Variants in NLRP11 observed in about 807,000 individuals in gnomAD.
NLRP11 encodes NACHT, LRR and PYD domains-containing protein 11.
In NLRP11, 53 loss-of-function variants were observed where a neutral mutation model predicts 79.3. The observed-to-expected ratio is 0.67, with a 90% CI of 0.54 to 0.84. The LOEUF is 0.84. NLRP11 is among the 40% of genes least tolerant of loss of function. NLRP11 has a pLI of 0.00. For missense variants in NLRP11, 1,264 were observed against 1,255.0 expected, an observed-to-expected ratio of 1.01 and a Z score of -0.11; for synonymous variants, 518 against 462.6, an observed-to-expected ratio of 1.12 and a Z score of -1.54.
At chr19:55,795,204 T>C (rs1020887630) in intron 6 of NLRP11, among the ~76,000 whole-genome samples, 1 of 152,066 alleles carries the variant, frequency 6.6e-6, no homozygotes, top group African/African-American at 2.4e-5. Context: ...CTAGCCACTT[T>C]CCCAGAGCAG....
At chr19:55,792,337 G>A in exon 7 of NLRP11, 3 of 1,614,102 alleles carry the variant, frequency 1.9e-6, no homozygotes, top group Non-Finnish European at 2.5e-6. Flanking sequence ...AAACAGCAAG[G>A]GAAACGTCAC....
rs549322545 is a variant in NLRP11, at chr19:55,799,445, A to G, written c.2171+2127T>C. Among the ~76,000 whole-genome samples the G allele has an allele frequency of 4.6e-5, 7 of 152,332 alleles. No homozygotes were observed. In the South Asian group the frequency reaches 1.0e-3, roughly 23 times the overall value. On this transcript the variant is annotated intron_variant, in intron 5 of 9. Transcript: ENST00000589093. Reference sequence around the variant, plus strand: ...AGAACCACTTGGAAATATCCCAAAGATAAGAGTCCAGGAAGATGAAAAACA... The same window carrying G: ...AGAACCACTTGGAAATATCCCAAAGGTAAGAGTCCAGGAAGATGAAAAACA...
At chr19:55,804,057 G>A (rs918784261) in intron 4 of NLRP11, among the ~76,000 whole-genome samples, 2 of 152,176 alleles carry the variant, frequency 1.3e-5, no homozygotes, top group African/African-American at 4.8e-5. Flanking sequence ...ACCCTAGCCT[G>A]GGTGACAGAG....
At position 55,807,846 on chromosome 19, in the gene NLRP11, T is replaced by C. The variant is rs984342868; in HGVS notation, c.2003+7A>G. On this transcript the variant is annotated splice_region_variant and intron_variant, in intron 4 of 9. Transcript: ENST00000589093. The stretch of plus-strand genomic sequence containing the variant: ...ACCTCTAAGGCAGAGGTTGATATAG[T>C]ACTTACTTGAGTGTGCGAAGTTTAC... The C allele has an allele frequency of 1.3e-6, 2 of 1,597,942 alleles. No individual in the cohort carries two copies. The highest frequency in any genetic ancestry group is 1.7e-6 in the Non-Finnish European group (2 of 1,168,164).
chr19:55,818,279 T>C (rs1184364965), intron 1 of NLRP11, 43 bp from the exon 2 acceptor site: 6 of 850,288 alleles, frequency 7.1e-6, no homozygotes, highest in African/African-American at 5.1e-5. Context: ...CACACAGTAA[T>C]GCCAATTCAT....
upstream of NLRP11, among the ~76,000 whole-genome samples, chr19:55,832,250 C>A (rs1221465001): frequency 6.6e-6 from 1 of 152,198 alleles, no homozygotes. Flanking sequence ...TGACCAAGAA[C>A]CTCCAAAACA....
At chr19:55,818,300 C>T in intron 1 of NLRP11, 64 bp from the exon 2 acceptor site, 1 of 716,938 alleles carries the variant, frequency 1.4e-6, no homozygotes, top group Non-Finnish European at 2.3e-6. Flanking sequence ...CCAAAGCTAA[C>T]ATCCTAGACA....
chr19:55,801,877 A>G, intron 4 of NLRP11, 138 bp from the exon 5 acceptor site: 1 of 706,356 alleles, frequency 1.4e-6, no homozygotes. Flanking sequence ...TCGATCTTAA[A>G]TTTCTAGTCA....
intron 1 of NLRP11, among the ~76,000 whole-genome samples, chr19:55,818,754 T>C (rs1981385418): frequency 6.6e-6 from 1 of 152,142 alleles, no homozygotes; most frequent in South Asian, 2.1e-4. Context: ...GCAAACAGGC[T>C]GTTTGTGGTC....
chr19:55,812,146 A>AT (rs1335797192), intron 2 of NLRP11, among the ~76,000 whole-genome samples: 5 of 152,236 alleles, frequency 3.3e-5, no homozygotes, highest in African/African-American at 1.2e-4. Flanking sequence ...ATAGAAGCAT[A>AT]TGTACGGATA....
At chr19:55,797,174 C>A (rs554227691) in intron 5 of NLRP11, among the ~76,000 whole-genome samples, 7 of 152,196 alleles carry the variant, frequency 4.6e-5, no homozygotes, top group African/African-American at 1.7e-4. Context: ...TGGTGCACGA[C>A]TATAGTCCCA....
intron 3 of NLRP11, among the ~76,000 whole-genome samples, chr19:55,808,301 G>A (rs1247356723): frequency 1.3e-5 from 2 of 152,130 alleles, no homozygotes; most frequent in African/African-American, 4.8e-5. Context: ...TGCATGTTTT[G>A]TGCTATCATG....
chr19:55,808,090 T>A (rs1016606445), intron 3 of NLRP11, 76 bp from the exon 4 acceptor site: 2 of 1,048,456 alleles, frequency 1.9e-6, no homozygotes, highest in Non-Finnish European at 2.8e-6. Context: ...TAAATTAAAG[T>A]ATGTTTTGAG....
intron 1 of NLRP11, among the ~76,000 whole-genome samples, chr19:55,830,225 A>T (rs1442526940): frequency 6.6e-6 from 1 of 152,106 alleles, no homozygotes; most frequent in African/African-American, 2.4e-5. Flanking sequence ...AAGCCTCACC[A>T]AGTCCAACCC....
At chr19:55,807,887 G>A in exon 4 of NLRP11, 2 of 1,612,886 alleles carry the variant, frequency 1.2e-6, no homozygotes, top group Non-Finnish European at 1.7e-6. Flanking sequence ...GAATGCTCCA[G>A]GGCTTTAGAC....
chr19:55,815,645 T>C (rs7251980), intron 2 of NLRP11, among the ~76,000 whole-genome samples: 21,310 of 151,720 alleles, frequency 0.14, 1,586 homozygotes, highest in Middle Eastern at 0.18. Context: ...ATTTATACAA[T>C]ATTAAAAAGG....
intron 1 of NLRP11, among the ~76,000 whole-genome samples, chr19:55,819,125 C>CCA (rs1380724550): frequency 1.0e-5 from 1 of 95,836 alleles, no homozygotes; most frequent in East Asian, 3.4e-4. Flanking sequence ...GTGGTATCGC[C>CCA]TACACACACA....
intron 2 of NLRP11, among the ~76,000 whole-genome samples, chr19:55,814,833 G>T (rs1422689704): frequency 3.9e-5 from 6 of 152,096 alleles, no homozygotes; most frequent in African/African-American, 1.4e-4. Context: ...ACAACCCACG[G>T]AGAACAGAAG....
intron 1 of NLRP11, among the ~76,000 whole-genome samples, chr19:55,819,947 T>C (rs1002099428): frequency 6.6e-6 from 1 of 152,146 alleles, no homozygotes; most frequent in Non-Finnish European, 1.5e-5. Context: ...GGGTTGGATC[T>C]GACTCCATCG....
Sources: gnomAD v4.1 joint callset for allele counts (sites outside exome capture counted in the v4.1 genomes callset) on GRCh38, gnomAD v4.1.1 for gene constraint, MANE v1.5 for transcripts, NCBI Gene and HGNC (gene_info 2026-07-23, HGNC 2026-07-21) for gene names.